Variants in CAMTA1 observed in about 807,000 individuals in gnomAD.
CAMTA1 encodes the protein calmodulin binding transcription activator 1, also known as calmodulin-binding transcription activator 1.
CAMTA1 carries 27 observed loss-of-function variants against 170.9 expected under a neutral mutation model. That is an observed-to-expected ratio of 0.16 (90% CI 0.12 to 0.22). The LOEUF is 0.22. CAMTA1 is among the 10% of genes least tolerant of loss of function. The probability of loss-of-function intolerance (pLI) is 1.00; values close to 1 mark genes in which losing one functional copy is unlikely to be tolerated. For missense variants in CAMTA1, 1,619 were observed against 2,217.2 expected, an observed-to-expected ratio of 0.73 and a Z score of 5.42; for synonymous variants, 833 against 891.5, an observed-to-expected ratio of 0.93 and a Z score of 1.17.
chr1:7,352,189 A>G (rs988239990), intron 5 of CAMTA1, among the ~76,000 whole-genome samples: 11 of 151,924 alleles, frequency 7.2e-5, no homozygotes, highest in Admixed American at 2.6e-4. Flanking sequence ...GGGCGGGGGG[A>G]AGAAGGAAAA....
At chr1:7,550,655 C>T (rs2094787186) in intron 6 of CAMTA1, among the ~76,000 whole-genome samples, 1 of 150,574 alleles carries the variant, frequency 6.6e-6, no homozygotes, top group South Asian at 2.1e-4. Context: ...CCTACCTGGC[C>T]TCCTCGCAGC....
At chr1:7,553,051 T>C (rs1442992553) in intron 6 of CAMTA1, among the ~76,000 whole-genome samples, 2 of 152,232 alleles carry the variant, frequency 1.3e-5, no homozygotes, top group African/African-American at 4.8e-5. Flanking sequence ...AGCTAAAGAC[T>C]GTGCTAAGAT....
chr1:7,096,625 C>T (rs1642108333), intron 4 of CAMTA1, among the ~76,000 whole-genome samples: 1 of 152,182 alleles, frequency 6.6e-6, no homozygotes, highest in African/African-American at 2.4e-5. Flanking sequence ...TCTCCTTTGT[C>T]CCCTGCATCT....
chr1:7,730,488 C>T (rs12137398), intron 11 of CAMTA1, among the ~76,000 whole-genome samples: 22,248 of 152,252 alleles, frequency 0.15, 2,027 homozygotes, highest in South Asian at 0.28. Context: ...GTCCCCATCC[C>T]ATCCCTCCTT....
rs2096181917 is a variant in CAMTA1 at position 7,680,524 on chromosome 1, G to T, written c.2914+2791G>T. Among the ~76,000 whole-genome samples, 1 of 151,224 alleles carries T rather than the reference G, an allele frequency of 6.6e-6. No homozygotes were observed. Among genetic ancestry groups the T allele is most frequent in the African/African-American group, 2.4e-5 (1 of 41,154 alleles). On this transcript the variant is annotated intron_variant, in intron 11 of 22. Coordinates refer to ENST00000303635, the MANE Select transcript of CAMTA1 (RefSeq NM_015215.4). The surrounding 1 kb of genome is among the most constrained non-coding windows in gnomAD (Gnocchi z 4.4). ...GGCCCTTCGCGGAACTGCTGGCGGC[G>T]CCGCGCCCCGCGGGGTCTGGGGCCC...
intron 3 of CAMTA1, among the ~76,000 whole-genome samples, chr1:7,039,263 C>T (rs1704081352): frequency 6.6e-6 from 1 of 152,124 alleles, no homozygotes; most frequent in South Asian, 2.1e-4. Flanking sequence ...CCTCCTCCTC[C>T]TCCCTTCTTT....
At position 7,640,251 on chromosome 1, in the gene CAMTA1, C is replaced by T. The variant is rs2095750403; in HGVS notation, c.511-149C>T. The T allele has an allele frequency of 5.0e-6, 4 of 802,842 alleles. No individual in the cohort carries two copies. The East Asian group carries it at 1.1e-4, about 21-fold the overall frequency. The allele number at this position is 802,842 out of a possible 1,614,324, so 49.7% of individuals were successfully genotyped here. A position where few individuals can be genotyped will look rare whatever the true frequency, so the allele number is the denominator to read the frequency against. ...CGCCGGACAGCCCCCACCACAGAAC[C>T]ATCTGGCTGCAACCGTCAGCAGTGT... On this transcript the variant is annotated intron_variant, in intron 6 of 22. Transcript: ENST00000303635.
At chr1:7,238,981 C>T (rs1371810951) in intron 4 of CAMTA1, among the ~76,000 whole-genome samples, 1 of 152,216 alleles carries the variant, frequency 6.6e-6, no homozygotes, top group East Asian at 1.9e-4. Flanking sequence ...AGCTTGCAGT[C>T]CAGTGGGGAG....
intron 3 of CAMTA1, among the ~76,000 whole-genome samples, chr1:7,076,345 C>T (rs150536486): frequency 2.6e-5 from 4 of 152,304 alleles, no homozygotes; most frequent in East Asian, 3.9e-4. Context: ...ATTATTGCAT[C>T]GCTGAATCAC....
chr1:6,880,383 G>GTTTTTTTTTTTTTTT (rs34745856), intron 3 of CAMTA1, among the ~76,000 whole-genome samples: 13 of 67,206 alleles, frequency 1.9e-4, no homozygotes, highest in African/African-American at 6.7e-4. Context: ...CTCTAAAAGT[G>GTTTTTTTTTTTTTTT]TTTTTTTTTT....
chr1:7,274,325 A>ATATT (rs1337761509), intron 5 of CAMTA1, among the ~76,000 whole-genome samples: 2 of 152,194 alleles, frequency 1.3e-5, no homozygotes, highest in Non-Finnish European at 2.9e-5. Context: ...GATCAAGCAG[A>ATATT]GTAGACTTCA....
At chr1:7,169,502 A>G (rs1250684221) in intron 4 of CAMTA1, among the ~76,000 whole-genome samples, 2 of 152,042 alleles carry the variant, frequency 1.3e-5, no homozygotes, top group Admixed American at 1.3e-4. Flanking sequence ...TAATTTGTCA[A>G]TTTCATTTAG....
chr1:7,753,572 C>T (rs549489885), intron 21 of CAMTA1, among the ~76,000 whole-genome samples: 5 of 152,256 alleles, frequency 3.3e-5, no homozygotes, highest in Admixed American at 6.5e-5. Context: ...ATATGATTGC[C>T]GGCTTTGAAA....
At chr1:6,900,480 G>C (rs1465223767) in intron 3 of CAMTA1, among the ~76,000 whole-genome samples, 6 of 151,882 alleles carry the variant, frequency 4.0e-5, no homozygotes, top group South Asian at 4.2e-4. Flanking sequence ...GTTTTAGACA[G>C]TCAAATTAAT....
chr1:7,361,604 A>T (rs1415459794), intron 5 of CAMTA1, among the ~76,000 whole-genome samples: 2 of 152,212 alleles, frequency 1.3e-5, no homozygotes, highest in African/African-American at 4.8e-5. Flanking sequence ...CAACTTTTCC[A>T]CAGTGTGACT....
At position 7,103,798 on chromosome 1, in the gene CAMTA1, G is replaced by T. The variant is rs181347829; in HGVS notation, c.302+12427G>T. 6.1e-3 allele frequency among the ~76,000 whole-genome samples: 792 copies of T among 130,342 alleles called. 7 individuals are homozygous for T. The highest frequency in any genetic ancestry group is 0.022 in the African/African-American group (725 of 33,600). The allele number at this position is 130,342 out of a possible 152,430, so 85.5% of individuals were successfully genotyped here. A position where few individuals can be genotyped will look rare whatever the true frequency, so the allele number is the denominator to read the frequency against. On this transcript the variant is annotated intron_variant, in intron 4 of 22. Transcript: ENST00000303635. The stretch of plus-strand genomic sequence containing the variant: ...ACACATAACTACACGTACATACAAC[G>T]CACATATACATACAACTACACACAT...
At chr1:6,933,746 G>C (rs74051061) in intron 3 of CAMTA1, among the ~76,000 whole-genome samples, 2,520 of 149,296 alleles carry the variant, frequency 0.017, 67 homozygotes, top group African/African-American at 0.058. Flanking sequence ...CCACTGAATT[G>C]CATTTTGCCC....
chr1:7,499,221 A>G (rs1287562620), intron 6 of CAMTA1, among the ~76,000 whole-genome samples: 5 of 111,982 alleles, frequency 4.5e-5, no homozygotes, highest in Non-Finnish European at 8.8e-5. Context: ...GTGCATGTGT[A>G]TGTATATGAG....
intron 5 of CAMTA1, among the ~76,000 whole-genome samples, chr1:7,385,121 G>A (rs1000920631): frequency 1.9e-4 from 27 of 139,464 alleles, no homozygotes; most frequent in African/African-American, 7.4e-4. Flanking sequence ...ACAGAGTCTC[G>A]CTCTGTCACC....
Sources: allele counts gnomAD v4.1 joint callset (sites outside exome capture counted in the v4.1 genomes callset), GRCh38; gene constraint gnomAD v4.1.1; non-coding constraint Gnocchi (gnomAD v3.1); transcripts MANE v1.5; gene names NCBI Gene and HGNC (gene_info 2026-07-23, HGNC 2026-07-21).